Variants in ZNF782 observed in about 807,000 individuals in gnomAD.
ZNF782 encodes the protein zinc finger protein 782.
Under a neutral mutation model 13.0 loss-of-function variants are expected in ZNF782, and 12 were observed. That is an observed-to-expected ratio of 0.92 (90% CI 0.59 to 1.50). The LOEUF (loss-of-function observed/expected upper bound fraction) is 1.50, where lower values mean the gene tolerates loss of function less well. ZNF782 is among the 40% of genes most tolerant of loss of function. The pLI is 0.00. For synonymous variants in ZNF782, 284 were observed against 283.0 expected (o/e 1.00, Z -0.04); for missense variants, 770 against 822.9 (o/e 0.94, Z 0.79).
At chr9:96,925,786 T>G in the ZNF782 span, among the ~76,000 whole-genome samples, 1 of 149,542 alleles carries the variant, frequency 6.7e-6, no homozygotes, top group Admixed American at 6.6e-5. Flanking sequence ...TTCACGTCTA[T>G]GACGGCCTAG....
intron 3 of ZNF782, 33 bp downstream of exon 3, chr9:96,851,914 C>T (rs1301184141): frequency 1.2e-6 from 2 of 1,608,026 alleles, no homozygotes; most frequent in Admixed American, 3.3e-5. Flanking sequence ...AAATCCATTA[C>T]AATACAAAGT....
At chr9:96,911,197 T>TG in the ZNF782 span, among the ~76,000 whole-genome samples, 1 of 144,086 alleles carries the variant, frequency 6.9e-6, no homozygotes, top group Non-Finnish European at 1.5e-5. Flanking sequence ...CCCAGCACTT[T>TG]GGGAGGCCGA....
intron 4 of ZNF782, among the ~76,000 whole-genome samples, chr9:96,842,326 A>G (rs1851212659): frequency 6.6e-6 from 1 of 152,060 alleles, no homozygotes; most frequent in Non-Finnish European, 1.5e-5. Context: ...AGATTTTAAC[A>G]TAATGATATT....
At chr9:96,824,068 T>A (rs1850516938) in intron 5 of ZNF782, among the ~76,000 whole-genome samples, 1 of 151,988 alleles carries the variant, frequency 6.6e-6, no homozygotes, top group African/African-American at 2.4e-5. Context: ...GCCAGCATCA[T>A]CCTGATACCA....
the ZNF782 span, chr9:96,903,094 A>C: frequency 1.3e-5 from 2 of 151,070 alleles, no homozygotes; most frequent in Non-Finnish European, 2.9e-5. Flanking sequence ...ATAAGCCACC[A>C]TGACTGGCCA....
the ZNF782 span, among the ~76,000 whole-genome samples, chr9:96,911,750 G>A: frequency 6.6e-6 from 1 of 151,684 alleles, no homozygotes; most frequent in South Asian, 2.1e-4. Flanking sequence ...TCCATCTCCT[G>A]ACCTCGTGAT....
the ZNF782 span, among the ~76,000 whole-genome samples, chr9:96,930,872 G>T: frequency 8.9e-3 from 645 of 72,718 alleles, 5 homozygotes; most frequent in African/African-American, 0.027. Flanking sequence ...CCATCCAGTG[G>T]TTTTTTTTTT....
the ZNF782 span, among the ~76,000 whole-genome samples, chr9:96,911,240 C>G: frequency 1.4e-5 from 2 of 143,246 alleles, no homozygotes; most frequent in Non-Finnish European, 3.1e-5. Context: ...GAGATGGAGA[C>G]CATCCTGGCT....
At chr9:96,836,998 GA>G (rs1851023794) in intron 4 of ZNF782, among the ~76,000 whole-genome samples, 1 of 152,090 alleles carries the variant, frequency 6.6e-6, no homozygotes, top group Non-Finnish European at 1.5e-5. Context: ...CCAGCCACCA[GA>G]ATTGTGAGCG....
chr9:96,852,431 G>C (rs1025082862), intron 2 of ZNF782, among the ~76,000 whole-genome samples: 156 of 152,308 alleles, frequency 1.0e-3, no homozygotes, highest in African/African-American at 3.5e-3. Context: ...CTTGAGCTCA[G>C]GAGTTCAAGA....
the ZNF782 span, among the ~76,000 whole-genome samples, chr9:96,885,638 T>C: frequency 1.3e-5 from 2 of 152,108 alleles, no homozygotes; most frequent in Non-Finnish European, 2.9e-5. Flanking sequence ...TTGAAGAATC[T>C]GAGTGATTCC....
At chr9:96,916,215 G>T in the ZNF782 span, among the ~76,000 whole-genome samples, 3 of 151,936 alleles carry the variant, frequency 2.0e-5, no homozygotes, top group Non-Finnish European at 4.4e-5. Flanking sequence ...TTTCTGGCCT[G>T]GCGCAATGGC....
At chr9:96,876,578 G>A (rs971279802), upstream of ZNF782, among the ~76,000 whole-genome samples, 1 of 152,172 alleles carries the variant, frequency 6.6e-6, no homozygotes, top group African/African-American at 2.4e-5. Flanking sequence ...GCTGTGAAAT[G>A]TGAATGAAAT....
the ZNF782 span, among the ~76,000 whole-genome samples, chr9:96,898,863 C>T: frequency 6.7e-5 from 10 of 149,002 alleles, no homozygotes; most frequent in African/African-American, 1.3e-4. Flanking sequence ...CGTGAGCCAC[C>T]GCGCCTGGCC....
At chr9:96,897,671 C>T in the ZNF782 span, among the ~76,000 whole-genome samples, 8 of 150,980 alleles carry the variant, frequency 5.3e-5, no homozygotes, top group African/African-American at 1.5e-4. Flanking sequence ...TGAATATGTG[C>T]TTGTCCCGGT....
At chr9:96,901,729 T>C in the ZNF782 span, among the ~76,000 whole-genome samples, 9,416 of 151,188 alleles carry the variant, frequency 0.062, 673 homozygotes, top group East Asian at 0.34. Context: ...AAAAATTAGC[T>C]GGGCGTGGGG....
intron 3 of ZNF782, among the ~76,000 whole-genome samples, chr9:96,846,927 C>A (rs1564009140): frequency 1.3e-5 from 2 of 152,120 alleles, no homozygotes; most frequent in Admixed American, 6.5e-5. Context: ...AAAGACAGAT[C>A]ATATGATAGG....
the ZNF782 span, chr9:96,910,273 A>T: frequency 3.4e-6 from 2 of 586,144 alleles, no homozygotes; most frequent in Non-Finnish European, 6.7e-6. Context: ...AGGAGGAGGA[A>T]AAAGAAGGTG....
chr9:96,817,945 T>C lies in ZNF782; in HGVS notation c.2078A>G (p.Gln693Arg). 1 of 1,573,788 alleles carries C rather than the reference T, an allele frequency of 6.4e-7. No individual in the cohort carries two copies. ...FSQKSSLREHQKAHPGD is the reference protein window; with the variant it reads ...FSQKSSLREHRKAHPGD ...CATTTAATCCCCTGGGTGGGCTTTC[T>C]GATGTTCTCTAAGGCTTGATTTTTG... The change falls in exon 6 of 6, where the codon CAG becomes CGG. Residue 693 changes from glutamine (Q) to arginine (R), a missense_variant. By Grantham distance (43) the Gln-to-Arg change is conservative. Transcript: ENST00000481138.
Sources: allele counts gnomAD v4.1 joint callset (sites outside exome capture counted in the v4.1 genomes callset), GRCh38; gene constraint gnomAD v4.1.1; transcripts MANE v1.5; gene names NCBI Gene and HGNC (gene_info 2026-07-23, HGNC 2026-07-21).